Variants in SH3RF3 observed in about 807,000 individuals in gnomAD.
SH3RF3 encodes SH3 domain containing ring finger 3.
SH3RF3 carries 29 observed loss-of-function variants against 66.3 expected under a neutral mutation model. That is an observed-to-expected ratio of 0.44 (90% confidence interval 0.33 to 0.60). The LOEUF is 0.60. Among genes scored for constraint, SH3RF3 ranks in the 20% least tolerant of loss-of-function variants. SH3RF3 has a pLI of 0.04. For synonymous variants in SH3RF3, 583 were observed against 532.0 expected, an observed-to-expected ratio of 1.10 and a Z score of -1.32; for missense variants, 1,194 against 1,190.9, an observed-to-expected ratio of 1.00 and a Z score of -0.04.
intron 1 of SH3RF3, among the ~76,000 whole-genome samples, chr2:109,167,528 T>C (rs937439449): frequency 6.6e-6 from 1 of 152,156 alleles, no homozygotes; most frequent in Non-Finnish European, 1.5e-5. Context: ...TCATCCCCCA[T>C]TGGTATTGTT....
chr2:109,293,561 A>G (rs1192334016), intron 1 of SH3RF3, among the ~76,000 whole-genome samples: 13 of 152,192 alleles, frequency 8.5e-5, no homozygotes, highest in Non-Finnish European at 1.9e-4. Context: ...CCACTAGAAA[A>G]CAAAGGGTGT....
chr2:109,375,938 G>C (rs2104357788), intron 3 of SH3RF3, among the ~76,000 whole-genome samples: 1 of 152,354 alleles, frequency 6.6e-6, no homozygotes, highest in African/African-American at 2.4e-5. Context: ...CCTGCACATT[G>C]GGGGCATGGC....
intron 1 of SH3RF3, among the ~76,000 whole-genome samples, chr2:109,328,143 C>A (rs1471404528): frequency 6.6e-6 from 1 of 152,192 alleles, no homozygotes; most frequent in Non-Finnish European, 1.5e-5. Context: ...ACAGCCAAAC[C>A]ATTGTCACAC....
At chr2:109,452,401 C>G (rs1261800825) in intron 8 of SH3RF3, among the ~76,000 whole-genome samples, 1 of 152,142 alleles carries the variant, frequency 6.6e-6, no homozygotes, top group Non-Finnish European at 1.5e-5. Flanking sequence ...ATTCTCCAGT[C>G]TGTTTCTGTT....
At chr2:109,173,850 G>A (rs188933449) in intron 1 of SH3RF3, among the ~76,000 whole-genome samples, 19 of 152,324 alleles carry the variant, frequency 1.2e-4, no homozygotes, top group African/African-American at 4.1e-4. Flanking sequence ...GGAATTGGAT[G>A]TTCAGACTCA....
chr2:109,439,014 G>A (rs779049334), intron 7 of SH3RF3, among the ~76,000 whole-genome samples: 13 of 152,182 alleles, frequency 8.5e-5, no homozygotes, highest in Non-Finnish European at 1.9e-4. Context: ...GCCCTGGGTT[G>A]TCTGCCCAGA....
At chr2:109,330,971 G>A (rs996254142) in intron 1 of SH3RF3, among the ~76,000 whole-genome samples, 30 of 152,216 alleles carry the variant, frequency 2.0e-4, no homozygotes, top group African/African-American at 6.5e-4. Flanking sequence ...AATAAAGGTT[G>A]TGCCATGCAT....
chr2:109,194,875 T>C (rs1678458836), intron 1 of SH3RF3, among the ~76,000 whole-genome samples: 1 of 151,832 alleles, frequency 6.6e-6, no homozygotes. Context: ...TGCTACAAAC[T>C]CAGTTTTTAA....
intron 1 of SH3RF3, among the ~76,000 whole-genome samples, chr2:109,151,149 A>G (rs1238455207): frequency 2.0e-5 from 3 of 152,180 alleles, no homozygotes; most frequent in African/African-American, 7.2e-5. Context: ...CTTATATTTG[A>G]TGGGTTCTTG....
intron 1 of SH3RF3, among the ~76,000 whole-genome samples, chr2:109,221,311 G>A (rs1679233977): frequency 6.6e-6 from 1 of 151,134 alleles, no homozygotes; most frequent in Admixed American, 6.7e-5. Flanking sequence ...GGCTGGGCCA[G>A]GTGACTCACG....
chr2:109,291,280 C>CTT (rs11295870), intron 1 of SH3RF3, among the ~76,000 whole-genome samples: 22 of 137,276 alleles, frequency 1.6e-4, no homozygotes, highest in East Asian at 6.5e-4. Flanking sequence ...AGAGTAATCT[C>CTT]TTTTTTTTTT....
intron 8 of SH3RF3, among the ~76,000 whole-genome samples, chr2:109,457,921 C>A (rs1034135758): frequency 5.9e-5 from 9 of 152,208 alleles, no homozygotes; most frequent in African/African-American, 2.2e-4. Flanking sequence ...TCTGAACATT[C>A]CACAGCACTT....
chr2:109,294,315 C>G (rs1472722884), intron 1 of SH3RF3, among the ~76,000 whole-genome samples: 7 of 152,128 alleles, frequency 4.6e-5, no homozygotes, highest in Admixed American at 1.3e-4. Flanking sequence ...AATCCCAGCA[C>G]TTTGTGCAGC....
chr2:109,456,093 G>T (rs955905177), intron 8 of SH3RF3, among the ~76,000 whole-genome samples: 1 of 152,232 alleles, frequency 6.6e-6, no homozygotes, highest in Non-Finnish European at 1.5e-5. Flanking sequence ...GGCCCACTGG[G>T]GGCTTGGGAA....
chr2:109,254,688 T>C (rs527850343), intron 1 of SH3RF3, among the ~76,000 whole-genome samples: 1 of 152,272 alleles, frequency 6.6e-6, no homozygotes, highest in East Asian at 1.9e-4. Flanking sequence ...CCCCCTAATG[T>C]TGGTGTGTGG....
At chr2:109,315,611 C>A (rs1334723639) in intron 1 of SH3RF3, among the ~76,000 whole-genome samples, 1 of 152,240 alleles carries the variant, frequency 6.6e-6, no homozygotes, top group Non-Finnish European at 1.5e-5. Flanking sequence ...GTCAGTGATG[C>A]ACAAGGACGT....
At chr2:109,492,951 A>C (rs1322873494) in intron 9 of SH3RF3, among the ~76,000 whole-genome samples, 2 of 152,110 alleles carry the variant, frequency 1.3e-5, no homozygotes, top group Non-Finnish European at 2.9e-5. Flanking sequence ...TCCCCTCTAC[A>C]GGGCCCCAGG....
In SH3RF3 at chr2:109,436,935, C is replaced by T. The variant is rs748486534; in HGVS notation, c.1617C>T (p.Val539=). ...GGAGPPRNNV[V]GGSPLAKGIT... is the part of the protein sequence containing the mutation. Reference sequence around the variant, plus strand: ...CAGGGCCGCCCCGGAATAATGTAGTCGGAGGGTCTCCACTGGCCAAAGGGA... The same window carrying T: ...CAGGGCCGCCCCGGAATAATGTAGTTGGAGGGTCTCCACTGGCCAAAGGGA... The change falls in exon 7 of 10, where the codon GTC becomes GTT. Residue 539 remains valine (V), a synonymous_variant. Coordinates refer to ENST00000309415, the MANE Select transcript of SH3RF3 (RefSeq NM_001099289.3). 7.4e-6 allele frequency: 12 copies of T among 1,613,528 alleles called. No individual in the cohort carries two copies. Among genetic ancestry groups the T allele is most frequent in the Admixed American group, 5.0e-5 (3 of 60,010 alleles).
chr2:109,353,331 C>T (rs962451102), intron 2 of SH3RF3, among the ~76,000 whole-genome samples: 4 of 152,240 alleles, frequency 2.6e-5, no homozygotes, highest in Non-Finnish European at 4.4e-5. Context: ...ATTTATAGCT[C>T]GACCCTCGTC....
Sources: gnomAD v4.1 joint callset for allele counts (sites outside exome capture counted in the v4.1 genomes callset) on GRCh38, gnomAD v4.1.1 for gene constraint, MANE v1.5 for transcripts, NCBI Gene and HGNC (gene_info 2026-07-23, HGNC 2026-07-21) for gene names.